GNB1: variants seen among roughly 807,000 people sequenced by gnomAD.
The protein encoded by GNB1 is guanine nucleotide-binding protein G(I)/G(S)/G(T) subunit beta-1.
GNB1 carries 2 observed loss-of-function variants against 42.9 expected under a neutral mutation model. That is an observed-to-expected ratio of 0.05 (90% CI 0.02 to 0.15). The LOEUF is 0.15. GNB1 is among the 10% of genes least tolerant of loss of function. The pLI is 1.00. For missense variants in GNB1, 193 were observed against 462.2 expected, an observed-to-expected ratio of 0.42 and a Z score of 5.34; for synonymous variants, 183 against 174.7, an observed-to-expected ratio of 1.05 and a Z score of -0.38.
chr1:1,792,990 C>A (rs992444713), intron 8 of GNB1, among the ~76,000 whole-genome samples: 2 of 151,662 alleles, frequency 1.3e-5, no homozygotes, highest in South Asian at 2.1e-4. Flanking sequence ...CATTTAAACC[C>A]GGCAGGCAGA....
At chr1:1,866,768 C>T (rs549467528) in intron 1 of GNB1, among the ~76,000 whole-genome samples, 4 of 150,368 alleles carry the variant, frequency 2.7e-5, no homozygotes. Context: ...TCTTGGCTAA[C>T]ACGGTGAAAC....
At chr1:1,847,115 G>A (rs1169958167) in intron 1 of GNB1, among the ~76,000 whole-genome samples, 1 of 152,166 alleles carries the variant, frequency 6.6e-6, no homozygotes, top group Non-Finnish European at 1.5e-5. Flanking sequence ...TAGTAAGGAA[G>A]AAAAGTGAGC....
intron 1 of GNB1, among the ~76,000 whole-genome samples, chr1:1,877,597 C>T (rs1649621393): frequency 6.6e-6 from 1 of 152,018 alleles, no homozygotes; most frequent in African/African-American, 2.4e-5. Context: ...CTCAGCCTCC[C>T]AAAGTGCTAA....
intron 1 of GNB1, among the ~76,000 whole-genome samples, chr1:1,846,625 A>G (rs1647684151): frequency 6.6e-6 from 1 of 152,142 alleles, no homozygotes; most frequent in Non-Finnish European, 1.5e-5. Flanking sequence ...GACAGCCTTG[A>G]ACAGCTCACT....
chr1:1,884,079 C>T (rs984573468), intron 1 of GNB1, among the ~76,000 whole-genome samples: 25 of 151,386 alleles, frequency 1.7e-4, no homozygotes, highest in Non-Finnish European at 3.4e-4. Flanking sequence ...GATTCTCTTG[C>T]CTCTGCCTCC....
chr1:1,808,693 G>T (rs1646735697), intron 5 of GNB1, among the ~76,000 whole-genome samples: 1 of 152,182 alleles, frequency 6.6e-6, no homozygotes, highest in South Asian at 2.1e-4. Flanking sequence ...ACCCAGGCTG[G>T]AGTGCAGTGG....
In GNB1 at chr1:1,846,759, T is replaced by C. The variant is rs1021360339; in HGVS notation, c.-95-7521A>G. On this transcript the variant is annotated intron_variant, in intron 1 of 11. Transcript: ENST00000378609. ...TTTCTTTATGGAGAGAGGGTCTCAC[T>C]ATGTGGCCCAGGCTGGTCTTCAACT... Among the ~76,000 whole-genome samples, 54 of 152,092 alleles carry C rather than the reference T, an allele frequency of 3.6e-4. 2 individuals carry two copies. The highest frequency in any genetic ancestry group is 3.3e-3 in the Admixed American group (50 of 15,246).
chr1:1,816,210 G>A (rs555646811), intron 4 of GNB1, among the ~76,000 whole-genome samples: 22 of 152,196 alleles, frequency 1.4e-4, no homozygotes, highest in African/African-American at 4.8e-4. Flanking sequence ...TTGAGATCTC[G>A]CAACTCTTCT....
intron 1 of GNB1, among the ~76,000 whole-genome samples, chr1:1,840,696 G>T (rs1647219265): frequency 1.3e-5 from 2 of 152,236 alleles, no homozygotes; most frequent in African/African-American, 4.8e-5. Flanking sequence ...GCAAGTCTAT[G>T]TTGGGACACT....
intron 1 of GNB1, among the ~76,000 whole-genome samples, chr1:1,856,820 T>C (rs1648330816): frequency 6.6e-6 from 1 of 152,244 alleles, no homozygotes; most frequent in Admixed American, 6.5e-5. Flanking sequence ...AAGAATGTAA[T>C]TTCTGAAAAC....
chr1:1,806,286 G>A (rs903351766), intron 6 of GNB1, among the ~76,000 whole-genome samples, 189 bp downstream of exon 6: 14 of 152,238 alleles, frequency 9.2e-5, no homozygotes, highest in Non-Finnish European at 1.6e-4. Flanking sequence ...CTGGTCCAGA[G>A]GAAGAGACCG....
At chr1:1,789,943 C>T (rs1229725685) in intron 9 of GNB1, among the ~76,000 whole-genome samples, 2 of 152,192 alleles carry the variant, frequency 1.3e-5, no homozygotes, top group East Asian at 3.8e-4. Context: ...CTGACCAAGG[C>T]TGTGGTCAGG....
chr1:1,839,865 A>G (rs941249080), intron 1 of GNB1, among the ~76,000 whole-genome samples: 6 of 151,902 alleles, frequency 3.9e-5, no homozygotes, highest in Non-Finnish European at 8.8e-5. Flanking sequence ...AAACAAAAAC[A>G]CACAACAGTC....
In GNB1 at chr1:1,845,824, T is replaced by TACACACACAC. The variant is rs55953457; in HGVS notation, c.-95-6596_-95-6587dup. On this transcript the variant is annotated intron_variant, in intron 1 of 11. Coordinates refer to ENST00000378609, the MANE Select transcript of GNB1 (RefSeq NM_002074.5). ...GTAGAATCATTTGTGTGTAAGTCCA[T>TACACACACAC]ACACACACACACACACACACACACA... 3.9e-3 allele frequency among the ~76,000 whole-genome samples: 545 copies of TACACACACAC among 140,324 alleles called. 10 individuals are homozygous for TACACACACAC. The highest frequency in any genetic ancestry group is 0.011 in the African/African-American group (402 of 37,202). The allele number at this position is 140,324 out of a possible 152,430, so 92.1% of individuals were successfully genotyped here.
intron 4 of GNB1, 118 bp from the exon 5 acceptor site, chr1:1,815,980 C>T: frequency 1.5e-6 from 1 of 677,060 alleles, no homozygotes; most frequent in South Asian, 1.7e-5. Context: ...CAGCCCTTCC[C>T]ACAGTTCTCC....
At chr1:1,850,015 C>CT (rs1469208506) in intron 1 of GNB1, among the ~76,000 whole-genome samples, 1 of 152,120 alleles carries the variant, frequency 6.6e-6, no homozygotes, top group Non-Finnish European at 1.5e-5. Context: ...TGTACATAGG[C>CT]TGAAGTACAA....
intron 1 of GNB1, among the ~76,000 whole-genome samples, chr1:1,879,038 G>C (rs1649696807): frequency 6.6e-6 from 1 of 152,156 alleles, no homozygotes. Context: ...CCTAACACAA[G>C]GGCCTCTTCT....
At chr1:1,868,181 T>C (rs528114916) in intron 1 of GNB1, among the ~76,000 whole-genome samples, 1 of 152,292 alleles carries the variant, frequency 6.6e-6, no homozygotes, top group Non-Finnish European at 1.5e-5. Context: ...TTTTGTTTTT[T>C]TGTTTTTTTT....
At chr1:1,874,275 C>A (rs1316795607) in intron 1 of GNB1, among the ~76,000 whole-genome samples, 1 of 152,128 alleles carries the variant, frequency 6.6e-6, no homozygotes, top group Non-Finnish European at 1.5e-5. Context: ...TCAAGAGCAG[C>A]CTGGTCAACA....
Sources: gnomAD v4.1 joint callset for allele counts (sites outside exome capture counted in the v4.1 genomes callset) on GRCh38, gnomAD v4.1.1 for gene constraint, MANE v1.5 for transcripts, NCBI Gene and HGNC (gene_info 2026-07-23, HGNC 2026-07-21) for gene names.